TENM1: variants seen among roughly 807,000 people sequenced by gnomAD.
TENM1 encodes teneurin transmembrane protein 1.
Under a neutral mutation model 174.8 loss-of-function variants are expected in TENM1, and 35 were observed. The observed-to-expected ratio is 0.20, with a 90% CI of 0.15 to 0.27. The LOEUF is 0.27. Ranked by LOEUF, TENM1 falls within the 10% of genes least tolerant of loss-of-function variation. The pLI, the probability that TENM1 is intolerant of heterozygous loss-of-function variation, is 1.00. For synonymous variants in TENM1, 781 were observed against 798.7 expected, an observed-to-expected ratio of 0.98 and a Z score of 0.37; for missense variants, 1,633 against 2,130.1, an observed-to-expected ratio of 0.77 and a Z score of 4.59.
chrX:125,165,365 G>A, the TENM1 span, among the ~76,000 whole-genome samples: 7 of 111,995 alleles, frequency 6.3e-5, no homozygotes, highest in South Asian at 3.7e-4. Flanking sequence ...ACAGACACAT[G>A]TATATGCAGA....
chrX:125,152,578 C>T, the TENM1 span, among the ~76,000 whole-genome samples: 1 of 111,862 alleles, frequency 8.9e-6, no homozygotes, highest in African/African-American at 3.3e-5. Context: ...GTTCTAGGAA[C>T]ATAAGGAACC....
At chrX:124,964,355 G>C (rs1211941693), upstream of TENM1, among the ~76,000 whole-genome samples, 1 of 111,567 alleles carries the variant, frequency 9.0e-6, no homozygotes, top group Non-Finnish European at 1.9e-5. Context: ...GTATCCTTGA[G>C]GGGGACTGAA....
Position 124,757,494 on chromosome X carries a change from C to A in TENM1, c.536-20297G>T, listed in dbSNP as rs181916333. On this transcript the variant is annotated intron_variant, in intron 3 of 31. Coordinates refer to ENST00000422452, the Ensembl canonical transcript of TENM1. Reference sequence around the variant, plus strand: ...GCTTCGGCTCGCACACGGTGCACTGCACCCACTGTCCTGCACCCACTGTCT... The same window carrying A: ...GCTTCGGCTCGCACACGGTGCACTGAACCCACTGTCCTGCACCCACTGTCT... 7.1e-3 allele frequency among the ~76,000 whole-genome samples: 795 copies of A among 112,576 alleles called. 5 individuals are homozygous for A. Among genetic ancestry groups the A allele is most frequent in the African/African-American group, 0.024 (754 of 30,966 alleles).
At chrX:124,456,074 C>T (rs1212509803) in intron 22 of TENM1, among the ~76,000 whole-genome samples, 1 of 111,837 alleles carries the variant, frequency 8.9e-6, no homozygotes, top group Non-Finnish European at 1.9e-5. Context: ...ACACTGTGAA[C>T]TTCTTTGTCT....
At chrX:124,862,450 G>A (rs759265224) in intron 3 of TENM1, among the ~76,000 whole-genome samples, 11 of 111,620 alleles carry the variant, frequency 9.9e-5, no homozygotes, top group East Asian at 8.5e-4. Context: ...GTATCTCTGG[G>A]CGCTGGGGGA....
At chrX:124,858,257 C>T (rs1005505408) in intron 3 of TENM1, among the ~76,000 whole-genome samples, 1 of 111,816 alleles carries the variant, frequency 8.9e-6, no homozygotes, top group Non-Finnish European at 1.9e-5. Context: ...GCATTTTTTT[C>T]GACTTTATAT....
At chrX:124,384,157 A>G (rs1395573209) in exon 30 of TENM1, 9 of 1,211,625 alleles carry the variant, frequency 7.4e-6, no homozygotes, top group Non-Finnish European at 1.0e-5. Flanking sequence ...GCCCAAGCCC[A>G]TCATAGTAAT....
At chrX:124,816,323 T>C (rs2055894182) in intron 3 of TENM1, among the ~76,000 whole-genome samples, 1 of 112,318 alleles carries the variant, frequency 8.9e-6, no homozygotes, top group Admixed American at 9.4e-5. Context: ...TATGTATGAA[T>C]GCATGTATGT....
chrX:124,923,603 G>T (rs1007725414), intron 1 of TENM1, among the ~76,000 whole-genome samples: 1 of 112,201 alleles, frequency 8.9e-6, no homozygotes, highest in Non-Finnish European at 1.9e-5. Flanking sequence ...GAAGGTTGCA[G>T]ATGAAATTAA....
At chrX:124,398,107 A>G (rs2060357571) in intron 27 of TENM1, among the ~76,000 whole-genome samples, 1 of 109,061 alleles carries the variant, frequency 9.2e-6, no homozygotes, top group Non-Finnish European at 1.9e-5. Context: ...AGGCGCCTGT[A>G]ATCCCAGCTA....
intron 11 of TENM1, among the ~76,000 whole-genome samples, chrX:124,583,510 G>C (rs2049391740): frequency 9.0e-6 from 1 of 110,911 alleles, no homozygotes; most frequent in Non-Finnish European, 1.9e-5. Flanking sequence ...AACCAGAAAG[G>C]ACATCCACAC....
intron 1 of TENM1, among the ~76,000 whole-genome samples, chrX:124,952,731 T>C (rs947056801): frequency 9.0e-6 from 1 of 111,441 alleles, no homozygotes. Context: ...GGTGTGTCCT[T>C]ATTAATTATT....
intron 14 of TENM1, among the ~76,000 whole-genome samples, chrX:124,550,663 C>A (rs895807868): frequency 8.9e-6 from 1 of 111,891 alleles, no homozygotes; most frequent in Admixed American, 9.4e-5. Context: ...GGCTGTAGGA[C>A]TTCCAAGTGC....
chrX:124,686,854 C>G (rs2052378043), intron 5 of TENM1, among the ~76,000 whole-genome samples: 1 of 111,669 alleles, frequency 9.0e-6, no homozygotes, highest in Admixed American at 9.5e-5. Context: ...CCTTTGAAAA[C>G]CGACACAAGA....
chrX:124,664,073 G>A (rs1031222358), intron 6 of TENM1, among the ~76,000 whole-genome samples: 1 of 111,461 alleles, frequency 9.0e-6, no homozygotes, highest in African/African-American at 3.3e-5. Context: ...ACTGTAATTC[G>A]CCATCAATCT....
chrX:125,104,529 A>G, the TENM1 span, among the ~76,000 whole-genome samples: 2 of 111,650 alleles, frequency 1.8e-5, no homozygotes, highest in Non-Finnish European at 3.8e-5. Flanking sequence ...CTGTCACTGT[A>G]TAACTGGAAT....
intron 3 of TENM1, among the ~76,000 whole-genome samples, chrX:124,796,868 T>C (rs914712238): frequency 3.6e-5 from 4 of 111,677 alleles, no homozygotes; most frequent in African/African-American, 6.5e-5. Context: ...TAATTATATA[T>C]AACTGAATTT....
intron 3 of TENM1, among the ~76,000 whole-genome samples, chrX:124,779,762 C>T (rs1056429738): frequency 8.9e-6 from 1 of 111,858 alleles, no homozygotes; most frequent in African/African-American, 3.2e-5. Context: ...TCTTTAAACA[C>T]CTCATACATG....
intron 11 of TENM1, among the ~76,000 whole-genome samples, chrX:124,602,598 T>C (rs1569337051): frequency 9.0e-6 from 1 of 110,653 alleles, no homozygotes; most frequent in Non-Finnish European, 1.9e-5. Flanking sequence ...GAAGGTGTTA[T>C]GGTGCAAGGG....
Sources: gnomAD v4.1 joint callset for allele counts (sites outside exome capture counted in the v4.1 genomes callset) on GRCh38, gnomAD v4.1.1 for gene constraint, MANE v1.5 for transcripts, NCBI Gene and HGNC (gene_info 2026-07-23, HGNC 2026-07-21) for gene names.